The following HSPA12A variants were observed in gnomAD, a reference collection of about 807,000 sequenced individuals.
HSPA12A encodes heat shock 70 kDa protein 12A.
Under a neutral mutation model 69.2 loss-of-function variants are expected in HSPA12A, and 28 were observed. The ratio of observed to expected loss-of-function variants is 0.40; its 90% CI spans 0.30 to 0.55. The LOEUF (loss-of-function observed/expected upper bound fraction) is 0.55. Among genes scored for constraint, HSPA12A ranks in the 20% least tolerant of loss-of-function variants. The pLI, the probability that HSPA12A is intolerant of heterozygous loss-of-function variation, is 0.38. For synonymous variants in HSPA12A, 345 were observed against 370.5 expected (o/e 0.93, Z 0.79); for missense variants, 686 against 900.7 (o/e 0.76, Z 3.05).
chr10:116,829,466 G>C, intron 2 of HSPA12A: 1 of 152,510 alleles, frequency 6.6e-6, no homozygotes, highest in East Asian at 1.9e-4. Context: ...CAAAGGATGG[G>C]CAGGATTTGG....
chr10:116,823,709 G>A (rs1055937975), intron 2 of HSPA12A, among the ~76,000 whole-genome samples: 3 of 152,070 alleles, frequency 2.0e-5, no homozygotes, highest in African/African-American at 7.2e-5. Flanking sequence ...AACAAGGAAG[G>A]TGAACCCCTA....
intron 5 of HSPA12A, among the ~76,000 whole-genome samples, chr10:116,694,711 C>T (rs1438966113): frequency 6.6e-6 from 1 of 152,196 alleles, no homozygotes; most frequent in African/African-American, 2.4e-5. Flanking sequence ...CCTTCACCTG[C>T]CTCGGTGCCC....
chr10:116,822,961 AG>A (rs757298250), intron 2 of HSPA12A, among the ~76,000 whole-genome samples: 1 of 152,216 alleles, frequency 6.6e-6, no homozygotes, highest in Non-Finnish European at 1.5e-5. Context: ...CGACTTAAAA[AG>A]GTGTGAGGGG....
intron 1 of HSPA12A, among the ~76,000 whole-genome samples, chr10:116,735,379 G>C (rs868985404): frequency 1.6e-4 from 24 of 152,182 alleles, no homozygotes; most frequent in South Asian, 2.1e-4. Context: ...GACTTGCTGT[G>C]ACCACCAGGA....
chr10:116,764,547 T>C (rs1188962969), intron 2 of HSPA12A, among the ~76,000 whole-genome samples: 3 of 152,224 alleles, frequency 2.0e-5, no homozygotes, highest in Non-Finnish European at 4.4e-5. Context: ...TATATATTTA[T>C]GTTTAGTTTT....
rs1009491750 is a variant in HSPA12A at position 116,742,283 on chromosome 10, C to G, written c.40+147G>C. 1.7e-5 allele frequency: 15 copies of G among 878,232 alleles called. No homozygotes were observed. The Admixed American group carries it at 5.5e-4, about 32-fold the overall frequency. The allele number at this position is 878,232 out of a possible 1,614,324, so 54.4% of individuals were successfully genotyped here. On this transcript the variant is annotated intron_variant, in intron 1 of 11. Coordinates refer to ENST00000369209, the MANE Select transcript of HSPA12A (RefSeq NM_025015.3). ...CGGCCCCCGGCCCCGCTGCTGCTGACCCCGGCCCCGCCCGCCAGAACTGGA... is the reference window on the plus strand; with the variant it reads ...CGGCCCCCGGCCCCGCTGCTGCTGAGCCCGGCCCCGCCCGCCAGAACTGGA...
chr10:116,824,944 T>C (rs1845474649), intron 2 of HSPA12A, among the ~76,000 whole-genome samples: 1 of 151,268 alleles, frequency 6.6e-6, no homozygotes, highest in Admixed American at 6.6e-5. Context: ...TCCCAGCACT[T>C]TGGAAGGCCG....
Position 116,705,356 on chromosome 10 carries a change from C to T in HSPA12A, c.127-78G>A, listed in dbSNP as rs114188352. The T allele has an allele frequency of 7.7e-3, 11,710 of 1,516,596 alleles. 716 individuals carry two copies. In the African/African-American group the frequency reaches 0.14, roughly 18 times the overall value. 93.9% of individuals were successfully genotyped at this position (1,516,596 alleles called of 1,614,324 possible). On this transcript the variant is annotated intron_variant, in intron 2 of 11. Coordinates refer to ENST00000369209, the MANE Select transcript of HSPA12A (RefSeq NM_025015.3). ...AGGAAGACACCCCTGGGGGGTCTCA[C>T]CTTGCCTAGCTGTGAACCCCCTGCA...
At chr10:116,685,746 T>C (rs2132921747) in intron 6 of HSPA12A, among the ~76,000 whole-genome samples, 1 of 152,136 alleles carries the variant, frequency 6.6e-6, no homozygotes, top group East Asian at 1.9e-4. Context: ...TTGCTCAGGA[T>C]AGAGAGATTT....
At chr10:116,766,817 T>G (rs1460223371) in intron 2 of HSPA12A, among the ~76,000 whole-genome samples, 1 of 152,180 alleles carries the variant, frequency 6.6e-6, no homozygotes, top group Non-Finnish European at 1.5e-5. Context: ...TAACTAACAA[T>G]TTTGTTGAGA....
chr10:116,840,127 C>G (rs1845781397), intron 1 of HSPA12A, among the ~76,000 whole-genome samples: 1 of 152,030 alleles, frequency 6.6e-6, no homozygotes, highest in Non-Finnish European at 1.5e-5. Context: ...TAAAAGAGTT[C>G]CTGTTTTGAG....
intron 6 of HSPA12A, among the ~76,000 whole-genome samples, chr10:116,689,244 G>C (rs1029335071): frequency 1.8e-4 from 28 of 151,986 alleles, no homozygotes; most frequent in African/African-American, 6.5e-4. Context: ...CCCCACCACT[G>C]CCCAGAAACC....
intron 2 of HSPA12A, among the ~76,000 whole-genome samples, chr10:116,747,861 T>G (rs1210493990): frequency 6.6e-6 from 1 of 152,092 alleles, no homozygotes; most frequent in Non-Finnish European, 1.5e-5. Context: ...TAGCTGGGCA[T>G]GGTGGTGCGT....
At chr10:116,719,857 T>C (rs1476311041) in intron 1 of HSPA12A, among the ~76,000 whole-genome samples, 1 of 152,198 alleles carries the variant, frequency 6.6e-6, no homozygotes, top group Non-Finnish European at 1.5e-5. Flanking sequence ...CACCAGTGCC[T>C]GAGCTCCTTG....
chr10:116,706,193 C>A (rs1339241747), intron 2 of HSPA12A, among the ~76,000 whole-genome samples: 4 of 98,854 alleles, frequency 4.0e-5, no homozygotes, highest in Admixed American at 9.4e-5. Context: ...CCACGCCTGG[C>A]CTCTTTTTTT....
intron 2 of HSPA12A, among the ~76,000 whole-genome samples, chr10:116,820,946 CCTCT>C (rs964540306): frequency 1.3e-5 from 2 of 152,056 alleles, no homozygotes; most frequent in Non-Finnish European, 2.9e-5. Flanking sequence ...CATCCTTACT[CCTCT>C]CTTTTTCACA....
chr10:116,788,976 C>A (rs1370976123), intron 2 of HSPA12A, among the ~76,000 whole-genome samples: 1 of 151,772 alleles, frequency 6.6e-6, no homozygotes, highest in Non-Finnish European at 1.5e-5. Context: ...AGCAGTTCTC[C>A]CTGCCTCGGC....
At chr10:116,842,538 T>A (rs879062889) in intron 1 of HSPA12A, among the ~76,000 whole-genome samples, 4 of 152,228 alleles carry the variant, frequency 2.6e-5, no homozygotes, top group African/African-American at 9.6e-5. Context: ...AAAATAGCTT[T>A]AAGCTGTGGC....
chr10:116,695,732 C>T (rs12259842), intron 5 of HSPA12A, among the ~76,000 whole-genome samples: 26,619 of 151,514 alleles, frequency 0.18, 2,652 homozygotes, highest in South Asian at 0.35. Flanking sequence ...AGGAGAATGG[C>T]GTGAACCTGG....
Sources: gnomAD v4.1 joint callset for allele counts (sites outside exome capture counted in the v4.1 genomes callset) on GRCh38, gnomAD v4.1.1 for gene constraint, MANE v1.5 for transcripts, NCBI Gene and HGNC (gene_info 2026-07-23, HGNC 2026-07-21) for gene names.